The following IHO1 variants were observed in gnomAD, a reference collection of about 807,000 sequenced individuals.
IHO1 encodes interactor of HORMAD1 1.
Under a neutral mutation model 31.0 loss-of-function variants are expected in IHO1, and 13 were observed. The observed-to-expected ratio is 0.42, with a 90% CI of 0.27 to 0.67. The LOEUF (loss-of-function observed/expected upper bound fraction) is 0.67. IHO1 is among the 30% of genes least tolerant of loss of function. The probability of loss-of-function intolerance (pLI) is 0.24; values close to 1 mark genes in which losing one functional copy is unlikely to be tolerated. For missense variants in IHO1, 599 were observed against 687.5 expected, an observed-to-expected ratio of 0.87 and a Z score of 1.44; for synonymous variants, 221 against 248.4, an observed-to-expected ratio of 0.89 and a Z score of 1.04.
chr3:49,197,426 T>G (rs1481934584), upstream of IHO1, among the ~76,000 whole-genome samples: 4 of 151,868 alleles, frequency 2.6e-5, no homozygotes, highest in African/African-American at 4.8e-5. Flanking sequence ...CTCCCAAAGT[T>G]CTGGGATTAC....
chr3:49,242,282 C>A (rs954064248), intron 4 of IHO1, among the ~76,000 whole-genome samples: 1 of 151,160 alleles, frequency 6.6e-6, no homozygotes, highest in Non-Finnish European at 1.5e-5. Flanking sequence ...GAGGCACACA[C>A]AGCTGTGGCC....
At chr3:49,212,163 CAA>C (rs35238412) in intron 2 of IHO1, among the ~76,000 whole-genome samples, 18 of 50,102 alleles carry the variant, frequency 3.6e-4, no homozygotes, top group Admixed American at 8.8e-4. Context: ...GACTCCGTCT[CAA>C]AAAAAAAAAA....
intron 7 of IHO1, 29 bp downstream of exon 7, chr3:49,255,522 G>A (rs1002229697): frequency 7.7e-7 from 1 of 1,305,522 alleles, no homozygotes; most frequent in Non-Finnish European, 1.1e-6. Context: ...CTCTTTCTAA[G>A]TGTGTTTTGG....
chr3:49,238,958 C>A (rs1429419257), intron 3 of IHO1, among the ~76,000 whole-genome samples: 1 of 152,108 alleles, frequency 6.6e-6, no homozygotes, highest in Admixed American at 6.6e-5. Context: ...AGCTCTGCTG[C>A]CTATTGCTAG....
At chr3:49,227,330 A>G (rs1056235361) in intron 2 of IHO1, among the ~76,000 whole-genome samples, 3 of 152,102 alleles carry the variant, frequency 2.0e-5, no homozygotes, top group Non-Finnish European at 4.4e-5. Flanking sequence ...ATGGCTTAGG[A>G]TGCATTTCAG....
At chr3:49,204,938 G>C (rs1559436179) in intron 1 of IHO1, among the ~76,000 whole-genome samples, 1 of 151,830 alleles carries the variant, frequency 6.6e-6, no homozygotes, top group Non-Finnish European at 1.5e-5. Flanking sequence ...TGAGGCAGGA[G>C]AATCACTTGA....
chr3:49,195,036 A>G (rs896824648), upstream of IHO1, among the ~76,000 whole-genome samples: 1 of 151,754 alleles, frequency 6.6e-6, no homozygotes, highest in African/African-American at 2.4e-5. Context: ...AGGTTGCTTG[A>G]GTCCAGGAGT....
chr3:49,247,722 G>A (rs936797920), intron 6 of IHO1, among the ~76,000 whole-genome samples: 2 of 151,940 alleles, frequency 1.3e-5, no homozygotes, highest in Non-Finnish European at 2.9e-5. Context: ...CTGGGACGTC[G>A]AAGCTGCTGT....
At chr3:49,232,001 G>A (rs1267483108) in intron 2 of IHO1, among the ~76,000 whole-genome samples, 2 of 152,304 alleles carry the variant, frequency 1.3e-5, no homozygotes, top group Non-Finnish European at 2.9e-5. Flanking sequence ...TTATGTACAT[G>A]TATGCGTGGA....
At chr3:49,196,870 C>A (rs1223098600), upstream of IHO1, among the ~76,000 whole-genome samples, 1 of 151,690 alleles carries the variant, frequency 6.6e-6, no homozygotes, top group African/African-American at 2.4e-5. Context: ...CGGGGTTTCG[C>A]TGTGTTAGCC....
rs2046842615 is a variant in IHO1, at chr3:49,257,792, T to A, written c.*510T>A. The A allele has an allele frequency of 6.4e-6, 1 of 155,286 alleles. No individual in the cohort carries two copies. The highest frequency in any genetic ancestry group is 6.3e-5 in the Admixed American group (1 of 15,772). 9.6% of individuals were successfully genotyped at this position (155,286 alleles called of 1,614,324 possible). A position where few individuals can be genotyped will look rare whatever the true frequency, so the allele number is the denominator to read the frequency against. On this transcript the variant is annotated 3_prime_UTR_variant, in exon 8 of 8. Transcript: ENST00000452691. Reference sequence around the variant, plus strand: ...TTGCATTTTTTGATCAGTAGACATATTACAGGACACCCTAAATCTTCTTGT... The same window carrying A: ...TTGCATTTTTTGATCAGTAGACATAATACAGGACACCCTAAATCTTCTTGT...
chr3:49,219,577 A>G (rs963689689), intron 2 of IHO1, among the ~76,000 whole-genome samples: 1 of 151,886 alleles, frequency 6.6e-6, no homozygotes, highest in African/African-American at 2.4e-5. Context: ...CACACTCTAT[A>G]TTTCTGTGTG....
the IHO1 span, among the ~76,000 whole-genome samples, chr3:49,192,819 C>G: frequency 6.6e-6 from 1 of 152,046 alleles, no homozygotes; most frequent in African/African-American, 2.4e-5. Context: ...TTGCCTGAGC[C>G]TGAGGAGATT....
rs1205904616 is a variant in IHO1, at chr3:49,257,384, G to A, written c.*102G>A. 1 of 1,197,266 alleles carries A rather than the reference G, an allele frequency of 8.4e-7. No individual in the cohort carries two copies. Among genetic ancestry groups the A allele is most frequent in the East Asian group, 2.3e-5 (1 of 42,780 alleles). 74.2% of individuals were successfully genotyped at this position (1,197,266 alleles called of 1,614,324 possible). The stretch of plus-strand genomic sequence containing the variant: ...TCCCTGAAGCCTGCCAAGTACCCAG[G>A]GTCAGAGGCCCTGCTGAGGTGGGGC... On this transcript the variant is annotated 3_prime_UTR_variant, in exon 8 of 8. Transcript: ENST00000452691.
intron 1 of IHO1, among the ~76,000 whole-genome samples, chr3:49,202,545 G>T (rs2046082975): frequency 8.1e-6 from 1 of 123,010 alleles, no homozygotes; most frequent in African/African-American, 3.1e-5. Context: ...GTGTGTGTGT[G>T]TTTCATATTT....
intron 2 of IHO1, among the ~76,000 whole-genome samples, chr3:49,213,566 G>A (rs2107689150): frequency 6.6e-6 from 1 of 152,364 alleles, no homozygotes; most frequent in East Asian, 1.9e-4. Context: ...TGGTCGATGG[G>A]ACCGGGCACC....
At chr3:49,201,184 G>C (rs1338307021) in intron 1 of IHO1, among the ~76,000 whole-genome samples, 1 of 151,888 alleles carries the variant, frequency 6.6e-6, no homozygotes. Context: ...TAGTAGAAAC[G>C]GGGTTTCACC....
intron 2 of IHO1, among the ~76,000 whole-genome samples, chr3:49,219,049 T>A (rs976340308): frequency 1.3e-5 from 2 of 152,124 alleles, no homozygotes; most frequent in African/African-American, 4.8e-5. Flanking sequence ...AGGCTCATGC[T>A]TGTAATCCCA....
At position 49,237,177 on chromosome 3, in the gene IHO1, G is replaced by A. The variant is rs182462686; in HGVS notation, c.231+455G>A. Among the ~76,000 whole-genome samples, 10 of 151,952 alleles carry A rather than the reference G, an allele frequency of 6.6e-5. 1 individual carries two copies. The highest frequency in any genetic ancestry group is 1.9e-4 in the East Asian group (1 of 5,166). On this transcript the variant is annotated intron_variant, in intron 3 of 7. Transcript: ENST00000452691. Reference sequence around the variant, plus strand: ...AGCCTGGCCAAGATGGTGGAACCCCGCCTCTACTAAAAATACAAAAATTAG... The same window carrying A: ...AGCCTGGCCAAGATGGTGGAACCCCACCTCTACTAAAAATACAAAAATTAG...
Sources: gnomAD v4.1 joint callset for allele counts (sites outside exome capture counted in the v4.1 genomes callset) on GRCh38, gnomAD v4.1.1 for gene constraint, MANE v1.5 for transcripts, NCBI Gene and HGNC (gene_info 2026-07-23, HGNC 2026-07-21) for gene names.